The following SLC19A1 variants were observed in gnomAD, a reference collection of about 807,000 sequenced individuals.
SLC19A1 encodes reduced folate transporter.
In SLC19A1, 37 loss-of-function variants were observed where a neutral mutation model predicts 35.3. That is an observed-to-expected ratio of 1.05 (90% confidence interval 0.81 to 1.38). SLC19A1 has a LOEUF of 1.38. Ranked by LOEUF, SLC19A1 falls within the 40% of genes most tolerant of loss-of-function variation. The pLI is 0.00. For synonymous variants in SLC19A1, 460 were observed against 398.5 expected, an observed-to-expected ratio of 1.15 and a Z score of -1.84; for missense variants, 831 against 826.9, an observed-to-expected ratio of 1.00 and a Z score of -0.06.
chr21:45,505,599 G>C (rs528760492), intron 3 of SLC19A1, among the ~76,000 whole-genome samples: 168 of 152,206 alleles, frequency 1.1e-3, no homozygotes, highest in Non-Finnish European at 2.0e-3. Context: ...GAATCAGGTG[G>C]ACCCAGGAGG....
At chr21:45,559,389 C>T (rs1369094648) in intron 1 of SLC19A1, among the ~76,000 whole-genome samples, 1 of 152,218 alleles carries the variant, frequency 6.6e-6, no homozygotes, top group Non-Finnish European at 1.5e-5. Flanking sequence ...CAAACACACA[C>T]ACTGAAAATG....
downstream of SLC19A1, among the ~76,000 whole-genome samples, chr21:45,509,089 C>T (rs546579875): frequency 2.0e-5 from 3 of 151,732 alleles, no homozygotes; most frequent in Non-Finnish European, 4.4e-5. Flanking sequence ...GGTCAGGGCA[C>T]GTGGTGAGTG....
At chr21:45,535,046 G>A (rs1377585556) in intron 2 of SLC19A1, among the ~76,000 whole-genome samples, 9 of 152,286 alleles carry the variant, frequency 5.9e-5, no homozygotes, top group Admixed American at 5.9e-4. Flanking sequence ...GGCAGGACGC[G>A]AGGGCAGGGC....
At position 45,532,167 on chromosome 21, in the gene SLC19A1, G is replaced by C; in HGVS notation, c.190-19C>G. ...TCGTGACCTGCGGACAGGCGGGCGT[G>C]CGCCCCACCAGGTGTTAGCAATGCT... On this transcript the variant is annotated intron_variant, in intron 2 of 5. Coordinates refer to ENST00000311124, the MANE Select transcript of SLC19A1 (RefSeq NM_194255.4). 6.4e-7 allele frequency: 1 copy of C among 1,567,848 alleles called. No individual in the cohort carries two copies. Among genetic ancestry groups the C allele is most frequent in the Non-Finnish European group, 8.7e-7 (1 of 1,151,800 alleles).
intron 2 of SLC19A1, among the ~76,000 whole-genome samples, chr21:45,537,153 G>A (rs1310886172): frequency 6.6e-6 from 1 of 152,200 alleles, no homozygotes; most frequent in Non-Finnish European, 1.5e-5. Flanking sequence ...GAGGGCCGAT[G>A]AGCACGGCCT....
At chr21:45,551,284 C>A (rs1049410598) in intron 1 of SLC19A1, among the ~76,000 whole-genome samples, 1 of 152,048 alleles carries the variant, frequency 6.6e-6, no homozygotes, top group African/African-American at 2.4e-5. Context: ...GTTTTAATTG[C>A]TTTCCAATTA....
chr21:45,538,933 G>A (rs2078220219), intron 1 of SLC19A1, among the ~76,000 whole-genome samples: 1 of 152,176 alleles, frequency 6.6e-6, no homozygotes, highest in Admixed American at 6.5e-5. Context: ...GCAGCACGAA[G>A]CACACTCGAG....
At chr21:45,510,289 G>A, downstream of SLC19A1, 1 of 1,569,650 alleles carries the variant, frequency 6.4e-7, no homozygotes, top group Non-Finnish European at 8.6e-7. Context: ...TGAGGGCGCG[G>A]GCTCCTCGGC....
chr21:45,531,858 C>G lies in SLC19A1; in HGVS notation c.480G>C (p.Val160=), dbSNP rs761741820. Residue 160 remains valine, a synonymous_variant, in exon 3 of 6, where the codon GTG becomes GTC. Coordinates refer to ENST00000311124, the MANE Select transcript of SLC19A1 (RefSeq NM_194255.4). ...CGGAGCTGGTGAACACGCCCAGCAG[C>G]ACCGCAGCGCGCGAGTAGCCGGCCA... ...QRVAGYSRAA[V]LLGVFTSSVL... 1.9e-5 allele frequency: 30 copies of G among 1,584,282 alleles called. No individual in the cohort carries two copies. The highest frequency in any genetic ancestry group is 2.4e-5 in the Non-Finnish European group (28 of 1,166,140).
rs1048633887 is a variant in SLC19A1 at position 45,534,430 on chromosome 21, C to T, written c.190-2282G>A. ...CCAGCCCCTGGCCGGGGCACAGGTT[C>T]TGCCCACAGCCCAGAGTCAAAATGG... is the stretch of plus-strand genomic sequence containing the variant. On this transcript the variant is annotated intron_variant, in intron 2 of 5. Transcript: ENST00000311124. This position sits in a 1 kb window ranked among gnomAD's most constrained non-coding sequence, Gnocchi z 4.2. 1.1e-6 allele frequency: 1 copy of T among 913,426 alleles called. No homozygotes were observed. Among genetic ancestry groups the T allele is most frequent in the African/African-American group, 1.7e-5 (1 of 60,552 alleles). The allele number at this position is 913,426 out of a possible 1,614,324, so 56.6% of individuals were successfully genotyped here.
intron 1 of SLC19A1, among the ~76,000 whole-genome samples, chr21:45,539,095 T>C (rs1433337720): frequency 2.0e-5 from 3 of 152,222 alleles, no homozygotes; most frequent in Non-Finnish European, 4.4e-5. Context: ...CACGTGGCCC[T>C]GGTTTTCCAT....
chr21:45,511,045 CACA>C (rs2037572449), downstream of SLC19A1: 4 of 483,364 alleles, frequency 8.3e-6, no homozygotes, highest in African/African-American at 3.1e-5. Flanking sequence ...CACACCCCCC[CACA>C]AACACCCACA....
intron 3 of SLC19A1, chr21:45,506,386 G>A (rs112798876): frequency 0.043 from 14,345 of 335,584 alleles, 391 homozygotes; most frequent in Middle Eastern, 0.062. Context: ...TGCACCCCGC[G>A]TTATAAACAC....
chr21:45,504,112 G>A, intron 3 of SLC19A1: 1 of 1,577,812 alleles, frequency 6.3e-7, no homozygotes. Context: ...CCCGCTGGGT[G>A]GCTGCTCCCA....
intron 3 of SLC19A1, chr21:45,505,401 GCCCCCT>G: frequency 6.3e-7 from 1 of 1,583,998 alleles, no homozygotes; most frequent in Admixed American, 1.7e-5. Flanking sequence ...GGCCCCCTGG[GCCCCCT>G]GGAACCATGG....
Position 45,514,257 on chromosome 21 carries a change from A to ACCT in SLC19A1, c.*1400_*1401insAGG, listed in dbSNP as rs757294073. 1 of 147,598 alleles carries ACCT rather than the reference A, an allele frequency of 6.8e-6. No homozygotes were observed. The allele number at this position is 147,598 out of a possible 1,614,324, so 9.1% of individuals were successfully genotyped here. ...CGAGCCCAGGAAATGGCTGGTGCAG[A>ACCT]CCCCCCCCCAAGCAGGGTCCCCAGG... On this transcript the variant is annotated 3_prime_UTR_variant, in exon 6 of 6. Coordinates refer to ENST00000311124, the MANE Select transcript of SLC19A1 (RefSeq NM_194255.4).
rs368386723 is a variant in SLC19A1, at chr21:45,504,139, G to A, written c.498-5527C>T. ...CTGCTCCCAATTTCTCGCCCCATCC[G>A]GCCCAAGCCCCCTTCCTGTTCAGCC... On this transcript the variant is annotated intron_variant, in intron 3 of 4. Coordinates refer to the SLC19A1 transcript ENST00000417954. 340 of 1,478,002 alleles carry A rather than the reference G, an allele frequency of 2.3e-4. 4 individuals are homozygous for A. In the South Asian group the frequency reaches 2.8e-3, roughly 12 times the overall value. 91.6% of individuals were successfully genotyped at this position (1,478,002 alleles called of 1,614,324 possible).
At chr21:45,535,437 G>A (rs2078075423) in intron 2 of SLC19A1, among the ~76,000 whole-genome samples, 1 of 152,210 alleles carries the variant, frequency 6.6e-6, no homozygotes, top group African/African-American at 2.4e-5. Context: ...CCAGGTCCGA[G>A]GAGGACAGCA....
chr21:45,548,772 C>T (rs2078437683), upstream of SLC19A1, among the ~76,000 whole-genome samples: 1 of 151,916 alleles, frequency 6.6e-6, no homozygotes, highest in Non-Finnish European at 1.5e-5. Context: ...TAAATATATG[C>T]AAAAGATTTG....
Sources: allele counts gnomAD v4.1 joint callset (sites outside exome capture counted in the v4.1 genomes callset), GRCh38; gene constraint gnomAD v4.1.1; non-coding constraint Gnocchi (gnomAD v3.1); transcripts MANE v1.5; gene names NCBI Gene and HGNC (gene_info 2026-07-23, HGNC 2026-07-21).